GSTCD: variants seen among roughly 807,000 people sequenced by gnomAD.
GSTCD encodes glutathione S-transferase C-terminal domain-containing protein.
In GSTCD, 44 loss-of-function variants were observed where a neutral mutation model predicts 68.3. The observed-to-expected ratio is 0.64, with a 90% CI of 0.51 to 0.83. GSTCD has a LOEUF of 0.83. GSTCD is among the 40% of genes least tolerant of loss of function. The pLI, the probability that GSTCD is intolerant of heterozygous loss-of-function variation, is 0.00. For synonymous variants in GSTCD, 273 were observed against 255.2 expected (o/e 1.07, Z -0.67); for missense variants, 739 against 735.9 (o/e 1.00, Z -0.05).
At chr4:105,746,555 G>T (rs764786992) in intron 5 of GSTCD, 1 of 152,200 alleles carries the variant, frequency 6.6e-6, no homozygotes, top group Non-Finnish European at 1.5e-5. Flanking sequence ...CTTAGAACAA[G>T]AATTATGAAC....
chr4:105,843,107 A>T (rs1262908470), intron 11 of GSTCD, among the ~76,000 whole-genome samples: 1 of 152,218 alleles, frequency 6.6e-6, no homozygotes, highest in East Asian at 1.9e-4. Context: ...TGAGCACCAG[A>T]TGAAGCTGTT....
intron 10 of GSTCD, 28 bp downstream of exon 10, chr4:105,837,917 C>T (rs1025815384): frequency 8.8e-6 from 8 of 914,280 alleles, no homozygotes; most frequent in African/African-American, 3.4e-5. Context: ...TAGATATCAT[C>T]CTAATACACT....
rs1560796485 is a variant in GSTCD, at chr4:105,726,560, T to G, written c.895-19T>G. On this transcript the variant is annotated intron_variant, in intron 3 of 11. Transcript: ENST00000515279. ...AACAAAATATATATAATAATGTGTT[T>G]TATTATTTTCCTACCTAGGTAATTA... 1.3e-6 allele frequency: 2 copies of G among 1,487,876 alleles called. No homozygotes were observed. The highest frequency in any genetic ancestry group is 2.5e-5 in the South Asian group (2 of 80,184). The allele number at this position is 1,487,876 out of a possible 1,614,324, so 92.2% of individuals were successfully genotyped here.
chr4:105,835,095 G>A (rs1349762343), intron 9 of GSTCD, among the ~76,000 whole-genome samples: 2 of 152,212 alleles, frequency 1.3e-5, no homozygotes, highest in East Asian at 1.9e-4. Flanking sequence ...AATGATATGT[G>A]TAAAGCCTTT....
chr4:105,726,178 A>G (rs1317381107), intron 3 of GSTCD, among the ~76,000 whole-genome samples: 1 of 152,188 alleles, frequency 6.6e-6, no homozygotes, highest in African/African-American at 2.4e-5. Context: ...TATCCACACA[A>G]TGACTACTAG....
chr4:105,830,928 TAATA>T (rs1723867566), intron 8 of GSTCD, among the ~76,000 whole-genome samples: 1 of 152,280 alleles, frequency 6.6e-6, no homozygotes, highest in African/African-American at 2.4e-5. Context: ...AGTAGAAAGA[TAATA>T]AATAATGTCT....
intron 5 of GSTCD, among the ~76,000 whole-genome samples, chr4:105,734,500 T>G (rs1162007517): frequency 1.3e-5 from 2 of 152,252 alleles, no homozygotes; most frequent in Admixed American, 1.3e-4. Flanking sequence ...GCTTGTGCAT[T>G]CATCATGTAG....
intron 5 of GSTCD, among the ~76,000 whole-genome samples, chr4:105,740,244 A>G (rs1733589345): frequency 6.6e-6 from 1 of 151,884 alleles, no homozygotes; most frequent in Non-Finnish European, 1.5e-5. Context: ...GGGCTTAAGT[A>G]CACCGATCAA....
At chr4:105,784,706 T>C (rs2544395) in intron 5 of GSTCD, among the ~76,000 whole-genome samples, 92,525 of 152,154 alleles carry the variant, frequency 0.61, 33,833 homozygotes, top group East Asian at 0.9. Flanking sequence ...TCCCCACTTA[T>C]CATTTGTTTT....
chr4:105,789,450 C>T (rs954784493), intron 5 of GSTCD, among the ~76,000 whole-genome samples: 2 of 151,940 alleles, frequency 1.3e-5, no homozygotes, highest in African/African-American at 4.8e-5. Context: ...GACCCACTTC[C>T]AAGTCCATTT....
intron 5 of GSTCD, among the ~76,000 whole-genome samples, chr4:105,806,760 CAGAA>C (rs1722518425): frequency 6.6e-6 from 1 of 152,006 alleles, no homozygotes; most frequent in African/African-American, 2.4e-5. Context: ...ATAGAAAAAT[CAGAA>C]AGAGCTCTAC....
chr4:105,840,434 A>C (rs1724291023), intron 10 of GSTCD: 1 of 233,292 alleles, frequency 4.3e-6, no homozygotes, highest in African/African-American at 2.2e-5. Context: ...TAAGCATACA[A>C]GTTTAGACAA....
chr4:105,846,256 TG>T lies in GSTCD; in HGVS notation c.*682del, dbSNP rs1321235363. On this transcript the variant is annotated 3_prime_UTR_variant, in exon 12 of 12. Transcript: ENST00000515279. ...CTACAAAAAAATCCAAAAAATGAGG[TG>T]GGAGGATCACTTGAGCCCAGGAAGT... is the stretch of plus-strand genomic sequence containing the variant. 2 of 151,812 alleles carry T rather than the reference TG, an allele frequency of 1.3e-5. No individual in the cohort carries two copies. Among genetic ancestry groups the T allele is most frequent in the African/African-American group, 4.8e-5 (2 of 41,326 alleles). 9.4% of individuals were successfully genotyped at this position (151,812 alleles called of 1,614,324 possible). A position where few individuals can be genotyped will look rare whatever the true frequency, so the allele number is the denominator to read the frequency against.
chr4:105,752,354 A>G (rs1734036377), intron 5 of GSTCD, among the ~76,000 whole-genome samples: 1 of 152,130 alleles, frequency 6.6e-6, no homozygotes, highest in Non-Finnish European at 1.5e-5. Flanking sequence ...CAAGAACCCT[A>G]TTTATAGACC....
chr4:105,775,837 C>T (rs2149246352), intron 5 of GSTCD, among the ~76,000 whole-genome samples: 1 of 152,266 alleles, frequency 6.6e-6, no homozygotes, highest in African/African-American at 2.4e-5. Flanking sequence ...CAGGGACCCA[C>T]TTGAGAAGGC....
intron 3 of GSTCD, among the ~76,000 whole-genome samples, chr4:105,721,626 A>G (rs1402298070): frequency 6.6e-6 from 1 of 152,196 alleles, no homozygotes. Flanking sequence ...AACAATAACA[A>G]GTAGAATCGA....
At chr4:105,730,157 G>A (rs190323972) in intron 5 of GSTCD, among the ~76,000 whole-genome samples, 34 of 152,274 alleles carry the variant, frequency 2.2e-4, no homozygotes, top group African/African-American at 7.9e-4. Context: ...GGACATTTGG[G>A]TTGGTTCCAA....
intron 5 of GSTCD, among the ~76,000 whole-genome samples, chr4:105,765,340 G>C (rs188548531): frequency 1.2e-4 from 19 of 152,238 alleles, no homozygotes; most frequent in African/African-American, 4.6e-4. Context: ...AACTCCCCTA[G>C]AATTTAACAT....
chr4:105,773,215 T>C (rs931925824), intron 5 of GSTCD, among the ~76,000 whole-genome samples: 2 of 152,296 alleles, frequency 1.3e-5, no homozygotes, highest in Non-Finnish European at 2.9e-5. Context: ...CCCTTTATCA[T>C]TTTTTATCAT....
Sources: allele counts gnomAD v4.1 joint callset (sites outside exome capture counted in the v4.1 genomes callset), GRCh38; gene constraint gnomAD v4.1.1; transcripts MANE v1.5; gene names NCBI Gene and HGNC (gene_info 2026-07-23, HGNC 2026-07-21).